The following PVALEF variants were observed in gnomAD, a reference collection of about 807,000 sequenced individuals.
PVALEF encodes parvalbumin-like EF-hand-containing protein.
A neutral mutation model predicts 1.2 loss-of-function variants in PVALEF; 2 were observed. That is an observed-to-expected ratio of 1.68 (90% CI 0.69 to 5.28). The LOEUF (loss-of-function observed/expected upper bound fraction) is 5.28. Among genes scored for constraint, PVALEF ranks in the 30% most tolerant of loss-of-function variants. PVALEF has a pLI of 0.06. For synonymous variants in PVALEF, 16 were observed against 6.5 expected (o/e 2.47, Z -2.24); for missense variants, 35 against 17.7 (o/e 1.97, Z -1.75).
In PVALEF at chr17:81,165,599, C is replaced by G; in HGVS notation, c.-656C>G. ...GCCTGAACCCCAGCTGGCTGACACC[C>G]CCCACACCCCCAAGGGCCCTTAGTC... On this transcript the variant is annotated 5_prime_UTR_variant, in exon 1 of 7. Transcript: ENST00000637878. The G allele has an allele frequency of 7.2e-7, 1 of 1,386,388 alleles. No individual in the cohort carries two copies. The highest frequency in any genetic ancestry group is 9.6e-7 in the Non-Finnish European group (1 of 1,046,446). 85.9% of individuals were successfully genotyped at this position (1,386,388 alleles called of 1,614,324 possible).
At chr17:81,173,980 G>A (rs988414842) in intron 2 of PVALEF, among the ~76,000 whole-genome samples, 5 of 152,212 alleles carry the variant, frequency 3.3e-5, no homozygotes, top group Non-Finnish European at 5.9e-5. Context: ...TTCCTGGAAT[G>A]CAAGGATGGG....
Position 81,178,911 on chromosome 17 carries a change from G to C in PVALEF, c.-339-7G>C. The C allele has an allele frequency of 4.6e-6, 1 of 217,546 alleles. No homozygotes were observed. 13.5% of individuals were successfully genotyped at this position (217,546 alleles called of 1,614,324 possible). On this transcript the variant is annotated splice_region_variant and splice_polypyrimidine_tract_variant and intron_variant, in intron 2 of 6. Transcript: ENST00000637878. ...GTGCCCTCTCTTCCTCCCTAACCCC[G>C]CCCCAGGTTTGGGGAGGCCAGGCAC...
chr17:81,171,841 G>T (rs1002270696), intron 2 of PVALEF, among the ~76,000 whole-genome samples: 1 of 152,060 alleles, frequency 6.6e-6, no homozygotes, highest in African/African-American at 2.4e-5. Context: ...AAATGAATCG[G>T]CTTGAAGTGA....
intron 2 of PVALEF, among the ~76,000 whole-genome samples, chr17:81,170,511 G>C (rs1032777635): frequency 2.2e-4 from 34 of 152,024 alleles, no homozygotes; most frequent in Non-Finnish European, 4.3e-4. Flanking sequence ...TCAGGGTCAG[G>C]ACTTGAACAT....
chr17:81,165,898 G>A (rs755633378), intron 1 of PVALEF, 151 bp downstream of exon 1: 3 of 1,560,204 alleles, frequency 1.9e-6, no homozygotes, highest in East Asian at 2.4e-5. Context: ...CCGCAGCGGA[G>A]GGAGGCAGCG....
At chr17:81,176,739 C>T (rs2061536902) in intron 2 of PVALEF, among the ~76,000 whole-genome samples, 1 of 152,118 alleles carries the variant, frequency 6.6e-6, no homozygotes, top group South Asian at 2.1e-4. Context: ...ACAGTATCAT[C>T]CAGCAATTCC....
At chr17:81,177,710 C>A (rs2061540393) in intron 2 of PVALEF, among the ~76,000 whole-genome samples, 1 of 152,310 alleles carries the variant, frequency 6.6e-6, no homozygotes, top group South Asian at 2.1e-4. Context: ...GTGTGTTCTG[C>A]AGGTGACTTT....
At position 81,177,408 on chromosome 17, in the gene PVALEF, C is replaced by T. The variant is rs112429732; in HGVS notation, c.-339-1510C>T. ...ACTAAAAATGCAGAAATTAGCCGGG[C>T]GTGGCGGCATGCACCTGTAATTCCA... On this transcript the variant is annotated intron_variant, in intron 2 of 6. Coordinates refer to ENST00000637878, the MANE Select transcript of PVALEF (RefSeq NM_001354639.2). Among the ~76,000 whole-genome samples the T allele has an allele frequency of 8.9e-3, 1,348 of 151,816 alleles. 22 individuals are homozygous for T. The highest frequency in any genetic ancestry group is 0.031 in the African/African-American group (1,284 of 41,400).
At chr17:81,173,946 T>G (rs2061528632) in intron 2 of PVALEF, among the ~76,000 whole-genome samples, 1 of 152,210 alleles carries the variant, frequency 6.6e-6, no homozygotes, top group African/African-American at 2.4e-5. Flanking sequence ...GAAAGGATTA[T>G]ACACCATAAT....
intron 1 of PVALEF, among the ~76,000 whole-genome samples, 158 bp from the exon 2 acceptor site, chr17:81,166,519 G>A (rs1252260915): frequency 8.5e-5 from 6 of 70,812 alleles, no homozygotes; most frequent in Admixed American, 1.8e-4. Flanking sequence ...GGGGGGAAAC[G>A]GAAGTCGTGA....
intron 2 of PVALEF, among the ~76,000 whole-genome samples, chr17:81,170,041 CATGTGTGTGCATGTGTGTTGGTGTGT>C (rs1264054922): frequency 7.8e-6 from 1 of 128,280 alleles, no homozygotes; most frequent in Admixed American, 7.5e-5. Flanking sequence ...GGTGTGTTGG[CATGTGTGTGCATGTGTGTTGGTGTGT>C]ATGTGTGTGC....
chr17:81,182,496 C>T (rs766813147), intron 6 of PVALEF, among the ~76,000 whole-genome samples: 4 of 152,224 alleles, frequency 2.6e-5, no homozygotes, highest in African/African-American at 4.8e-5. Flanking sequence ...AGCCACCGGC[C>T]GTTCTCATCT....
intron 6 of PVALEF, among the ~76,000 whole-genome samples, chr17:81,182,357 T>C (rs1213813657): frequency 6.6e-6 from 1 of 152,110 alleles, no homozygotes; most frequent in East Asian, 1.9e-4. Flanking sequence ...GGACCCACGG[T>C]CTTTGAGGCT....
intron 1 of PVALEF, 170 bp downstream of exon 1, chr17:81,165,917 G>A (rs773136326): frequency 8.3e-6 from 13 of 1,569,950 alleles, no homozygotes; most frequent in South Asian, 8.2e-5. Flanking sequence ...CGGCGCGCAG[G>A]CCGGGCCGCC....
At chr17:81,168,793 C>T (rs1399492674) in intron 2 of PVALEF, among the ~76,000 whole-genome samples, 1 of 152,222 alleles carries the variant, frequency 6.6e-6, no homozygotes, top group South Asian at 2.1e-4. Context: ...CAGGAGAGAG[C>T]CTGGGGGTCT....
In PVALEF at chr17:81,165,922, G is replaced by A. The variant is rs1247334174; in HGVS notation, c.-508+175G>A. ...AGGGAGGCAGCGGCGCGCAGGCCGGGCCGCCAGGGACTCACCGGGGTCGAA... is the reference window on the plus strand; with the variant it reads ...AGGGAGGCAGCGGCGCGCAGGCCGGACCGCCAGGGACTCACCGGGGTCGAA... On this transcript the variant is annotated intron_variant, in intron 1 of 6. Coordinates refer to ENST00000637878, the MANE Select transcript of PVALEF (RefSeq NM_001354639.2). The A allele has an allele frequency of 3.8e-6, 6 of 1,573,218 alleles. No homozygotes were observed. The East Asian group carries it at 7.1e-5, about 19-fold the overall frequency.
intron 3 of PVALEF, 121 bp downstream of exon 3, chr17:81,179,273 G>A (rs1320672377): frequency 1.3e-5 from 3 of 238,004 alleles, no homozygotes; most frequent in Non-Finnish European, 2.6e-5. Context: ...GGAGACCCCA[G>A]GGGACCCAGG....
chr17:81,181,176 C>A lies in PVALEF; in HGVS notation c.-51C>A. The A allele has an allele frequency of 1.4e-6, 1 of 700,582 alleles. No individual in the cohort carries two copies. Among genetic ancestry groups the A allele is most frequent in the South Asian group, 1.5e-5 (1 of 66,400 alleles). 43.4% of individuals were successfully genotyped at this position (700,582 alleles called of 1,614,324 possible). A position where few individuals can be genotyped will look rare whatever the true frequency, so the allele number is the denominator to read the frequency against. The stretch of plus-strand genomic sequence containing the variant: ...TCTGCTCTGGCCCAAGCAGCACCCC[C>A]AATCCGTGCGTGCACCCCACGAATT... On this transcript the variant is annotated 5_prime_UTR_variant, in exon 4 of 7. Transcript: ENST00000637878.
At position 81,181,323 on chromosome 17, in the gene PVALEF, A is replaced by G. The variant is rs1324509332; in HGVS notation, c.97A>G (p.Arg33Gly). 1.5e-6 allele frequency: 1 copy of G among 683,312 alleles called. No homozygotes were observed. The allele number at this position is 683,312 out of a possible 1,614,324, so 42.3% of individuals were successfully genotyped here. ...CATTGAGCTGCTGCCCACAGACATG[A>G]GACACCACGGTACAGCATGCCCCCG... ...KDIELLPTDM[R>G]HHGSFNYLKF... The change falls in exon 4 of 7, where the codon AGA (arginine) becomes GGA (glycine). Residue 33 changes from arginine (R) to glycine (G), a missense_variant. Arg to Gly is a moderately radical substitution (Grantham distance 125, BLOSUM62 -2). Transcript: ENST00000637878.
Sources: gnomAD v4.1 joint callset for allele counts (sites outside exome capture counted in the v4.1 genomes callset) on GRCh38, gnomAD v4.1.1 for gene constraint, MANE v1.5 for transcripts, NCBI Gene and HGNC (gene_info 2026-07-23, HGNC 2026-07-21) for gene names.